Variants in EPHB1 observed in about 807,000 individuals in gnomAD.
EPHB1 encodes ephrin type-B receptor 1.
A neutral mutation model predicts 94.4 loss-of-function variants in EPHB1; 30 were observed. The observed-to-expected ratio is 0.32, with a 90% CI of 0.24 to 0.43. The LOEUF (loss-of-function observed/expected upper bound fraction) is 0.43. EPHB1 is among the 20% of genes least tolerant of loss of function. The probability of loss-of-function intolerance (pLI) is 1.00; values close to 1 mark genes in which losing one functional copy is unlikely to be tolerated. For missense variants in EPHB1, 1,055 were observed against 1,308.3 expected, an observed-to-expected ratio of 0.81 and a Z score of 2.99; for synonymous variants, 522 against 489.1, an observed-to-expected ratio of 1.07 and a Z score of -0.89.
chr3:134,858,222 G>A (rs754417521), intron 1 of EPHB1, among the ~76,000 whole-genome samples: 1 of 151,964 alleles, frequency 6.6e-6, no homozygotes. Context: ...GAATGCTCCT[G>A]TAGGTTTGGG....
chr3:135,162,366 C>T (rs1464250565), intron 7 of EPHB1, among the ~76,000 whole-genome samples, 186 bp downstream of exon 7: 2 of 152,198 alleles, frequency 1.3e-5, no homozygotes, highest in Admixed American at 6.5e-5. Flanking sequence ...ATTTCTCTCC[C>T]AACGCCTGGT....
intron 4 of EPHB1, among the ~76,000 whole-genome samples, chr3:135,123,475 CA>C (rs1259818716): frequency 1.3e-5 from 2 of 152,068 alleles, no homozygotes; most frequent in Non-Finnish European, 2.9e-5. Flanking sequence ...GGAAAGGACC[CA>C]AAATTGGTCA....
At chr3:135,105,725 G>C (rs1939190613) in intron 3 of EPHB1, among the ~76,000 whole-genome samples, 1 of 152,182 alleles carries the variant, frequency 6.6e-6, no homozygotes, top group African/African-American at 2.4e-5. Context: ...ACTGCCATGT[G>C]CATGATAGAT....
intron 2 of EPHB1, among the ~76,000 whole-genome samples, chr3:134,928,996 T>C (rs2038852717): frequency 6.6e-6 from 1 of 151,906 alleles, no homozygotes; most frequent in South Asian, 2.1e-4. Context: ...ATACAGATGG[T>C]TTCAGAGGGG....
At chr3:134,881,610 CT>C (rs1295789863) in intron 1 of EPHB1, among the ~76,000 whole-genome samples, 1 of 152,130 alleles carries the variant, frequency 6.6e-6, no homozygotes, top group Non-Finnish European at 1.5e-5. Context: ...GAAAGGATCT[CT>C]CTTTAAAACA....
At chr3:134,945,455 G>A (rs1253385866) in intron 2 of EPHB1, among the ~76,000 whole-genome samples, 1 of 151,932 alleles carries the variant, frequency 6.6e-6, no homozygotes, top group Non-Finnish European at 1.5e-5. Flanking sequence ...TTTTCCAGAT[G>A]GGCACCTAGT....
chr3:135,063,929 T>C (rs1032597868), intron 3 of EPHB1, among the ~76,000 whole-genome samples: 2 of 152,180 alleles, frequency 1.3e-5, no homozygotes, highest in Admixed American at 1.3e-4. Flanking sequence ...TTCGAATGCA[T>C]TTTCTGCATC....
rs191896234 is a variant in EPHB1 at position 134,845,615 on chromosome 3, G to A, written c.58+49926G>A. On this transcript the variant is annotated intron_variant, in intron 1 of 15. Transcript: ENST00000398015. ...TCTGATCCAGGGCAGAGAGTCAGGCGTGCAGAGAGACCAGACCACCCAGCC... is the reference window on the plus strand; with the variant it reads ...TCTGATCCAGGGCAGAGAGTCAGGCATGCAGAGAGACCAGACCACCCAGCC... Among the ~76,000 whole-genome samples the A allele has an allele frequency of 2.3e-3, 353 of 152,136 alleles. 2 individuals carry two copies. Among genetic ancestry groups the A allele is most frequent in the African/African-American group, 7.8e-3 (322 of 41,464 alleles).
At chr3:135,232,216 G>T (rs1030019747) in intron 12 of EPHB1, among the ~76,000 whole-genome samples, 2 of 152,178 alleles carry the variant, frequency 1.3e-5, no homozygotes, top group Non-Finnish European at 2.9e-5. Context: ...GAGGAAAATG[G>T]GTCAGTGTAC....
chr3:135,239,997 G>C (rs1168789122), intron 12 of EPHB1, among the ~76,000 whole-genome samples: 1 of 152,146 alleles, frequency 6.6e-6, no homozygotes, highest in African/African-American at 2.4e-5. Flanking sequence ...GGCAGTACTG[G>C]TATCCAAACC....
chr3:135,069,123 C>T (rs565704258), intron 3 of EPHB1, among the ~76,000 whole-genome samples: 23 of 151,158 alleles, frequency 1.5e-4, no homozygotes, highest in Non-Finnish European at 3.0e-4. Flanking sequence ...TAAGAAGCCG[C>T]ATTACCTGAT....
At chr3:135,146,935 C>T (rs1301018249) in intron 5 of EPHB1, among the ~76,000 whole-genome samples, 1 of 152,120 alleles carries the variant, frequency 6.6e-6, no homozygotes, top group Admixed American at 6.5e-5. Flanking sequence ...GAGCAAGAGA[C>T]CACACAGAGA....
chr3:135,059,131 G>A (rs771018063), intron 3 of EPHB1, among the ~76,000 whole-genome samples: 1 of 152,246 alleles, frequency 6.6e-6, no homozygotes, highest in Non-Finnish European at 1.5e-5. Context: ...CCGATGTGCA[G>A]CAGATTCTTC....
At chr3:135,226,351 C>T (rs1485057754) in intron 12 of EPHB1, among the ~76,000 whole-genome samples, 2 of 152,232 alleles carry the variant, frequency 1.3e-5, no homozygotes, top group Non-Finnish European at 2.9e-5. Context: ...TATCACAGTA[C>T]CTCTGAGCTT....
chr3:134,844,308 T>C (rs574240628), intron 1 of EPHB1, among the ~76,000 whole-genome samples: 1 of 152,332 alleles, frequency 6.6e-6, no homozygotes, highest in Admixed American at 6.5e-5. Context: ...GAAAGCACAT[T>C]CAAAATTCAG....
At chr3:135,038,619 C>T (rs1302058366) in intron 3 of EPHB1, among the ~76,000 whole-genome samples, 1 of 152,200 alleles carries the variant, frequency 6.6e-6, no homozygotes, top group African/African-American at 2.4e-5. Context: ...GTGAGTGTTA[C>T]AGCTCTTAAG....
intron 1 of EPHB1, among the ~76,000 whole-genome samples, chr3:134,860,263 C>A (rs2037225492): frequency 6.6e-6 from 1 of 151,948 alleles, no homozygotes; most frequent in Non-Finnish European, 1.5e-5. Context: ...GCATCTCCGC[C>A]ATACTCAGTG....
At chr3:135,141,850 C>A (rs997665774) in intron 5 of EPHB1, among the ~76,000 whole-genome samples, 10 of 152,140 alleles carry the variant, frequency 6.6e-5, no homozygotes, top group Non-Finnish European at 1.3e-4. Flanking sequence ...TCCCACAGGA[C>A]CACAGGTCCT....
chr3:135,013,438 A>G (rs996644170), intron 3 of EPHB1, among the ~76,000 whole-genome samples: 7 of 152,214 alleles, frequency 4.6e-5, no homozygotes, highest in African/African-American at 4.8e-5. Context: ...CTGACCTGCT[A>G]TATCACCACC....
Sources: gnomAD v4.1 joint callset for allele counts (sites outside exome capture counted in the v4.1 genomes callset) on GRCh38, gnomAD v4.1.1 for gene constraint, MANE v1.5 for transcripts, NCBI Gene and HGNC (gene_info 2026-07-23, HGNC 2026-07-21) for gene names.